The following SLC2A13 variants were observed in gnomAD, a reference collection of about 807,000 sequenced individuals.
The protein encoded by SLC2A13 is proton myo-inositol cotransporter.
A neutral mutation model predicts 64.4 loss-of-function variants in SLC2A13; 32 were observed. That is an observed-to-expected ratio of 0.50 (90% confidence interval 0.37 to 0.67). SLC2A13 has a LOEUF of 0.67. Among genes scored for constraint, SLC2A13 ranks in the 30% least tolerant of loss-of-function variants. The pLI is 0.00. For synonymous variants in SLC2A13, 338 were observed against 327.1 expected (o/e 1.03, Z -0.36); for missense variants, 743 against 829.2 (o/e 0.90, Z 1.28).
At chr12:39,933,921 G>A (rs1162010463) in intron 4 of SLC2A13, among the ~76,000 whole-genome samples, 1 of 152,122 alleles carries the variant, frequency 6.6e-6, no homozygotes, top group Non-Finnish European at 1.5e-5. Flanking sequence ...AGCACAAGTG[G>A]TCAGGAAACA....
At chr12:39,895,822 G>A (rs1252667798) in intron 4 of SLC2A13, among the ~76,000 whole-genome samples, 2 of 92,702 alleles carry the variant, frequency 2.2e-5, no homozygotes, top group African/African-American at 9.0e-5. Context: ...GTACACACAT[G>A]TATATGCGTG....
At chr12:40,010,221 A>G (rs1175497430) in intron 3 of SLC2A13, among the ~76,000 whole-genome samples, 1 of 152,228 alleles carries the variant, frequency 6.6e-6, no homozygotes, top group African/African-American at 2.4e-5. Context: ...TAAATAAGGA[A>G]CATTATTCAG....
intron 4 of SLC2A13, among the ~76,000 whole-genome samples, chr12:39,930,023 C>T (rs564655593): frequency 7.9e-5 from 12 of 151,586 alleles, no homozygotes; most frequent in South Asian, 4.2e-4. Flanking sequence ...CCCAGGTACT[C>T]AGGAGGCTGA....
intron 7 of SLC2A13, among the ~76,000 whole-genome samples, chr12:39,816,477 G>A (rs1942344646): frequency 6.6e-6 from 1 of 150,958 alleles, no homozygotes; most frequent in African/African-American, 2.4e-5. Context: ...TATACCTAAT[G>A]TAAATGACGA....
At chr12:39,793,205 T>C (rs1356049527) in intron 7 of SLC2A13, among the ~76,000 whole-genome samples, 1 of 152,064 alleles carries the variant, frequency 6.6e-6, no homozygotes, top group Non-Finnish European at 1.5e-5. Context: ...ACTACAATCA[T>C]TGGACATTGA....
At position 39,759,867 on chromosome 12, in the gene SLC2A13, A is replaced by G. The variant is rs1940070493; in HGVS notation, c.*159T>C. 3.4e-6 allele frequency: 2 copies of G among 581,570 alleles called. No individual in the cohort carries two copies. Among genetic ancestry groups the G allele is most frequent in the Non-Finnish European group, 3.0e-6 (1 of 332,190 alleles). The allele number at this position is 581,570 out of a possible 1,614,324, so 36.0% of individuals were successfully genotyped here. A position where few individuals can be genotyped will look rare whatever the true frequency, so the allele number is the denominator to read the frequency against. ...TTCCTTGTGGAAAAAAAAAGTCATC[A>G]TGGTTGTATCTTCCTCCTAATCAAG... On this transcript the variant is annotated 3_prime_UTR_variant, in exon 10 of 10. Coordinates refer to ENST00000280871, the MANE Select transcript of SLC2A13 (RefSeq NM_052885.4).
intron 1 of SLC2A13, among the ~76,000 whole-genome samples, chr12:40,067,312 C>T (rs957298799): frequency 5.3e-5 from 8 of 152,158 alleles, no homozygotes; most frequent in African/African-American, 1.9e-4. Flanking sequence ...AGTGATCCTC[C>T]CACCTCAGCC....
At chr12:40,058,298 T>A (rs543733452) in intron 1 of SLC2A13, among the ~76,000 whole-genome samples, 1 of 152,204 alleles carries the variant, frequency 6.6e-6, no homozygotes, top group South Asian at 2.1e-4. Flanking sequence ...AAATTAACCT[T>A]CACTTTCCCT....
intron 6 of SLC2A13, among the ~76,000 whole-genome samples, chr12:39,833,109 T>C (rs1942903344): frequency 6.6e-6 from 1 of 152,096 alleles, no homozygotes; most frequent in South Asian, 2.1e-4. Flanking sequence ...ACTACAACTG[T>C]TGAGAAAAAT....
intron 6 of SLC2A13, among the ~76,000 whole-genome samples, chr12:39,836,318 C>T (rs1240238519): frequency 6.6e-6 from 1 of 151,996 alleles, no homozygotes; most frequent in Non-Finnish European, 1.5e-5. Context: ...AAATTAGAGT[C>T]CAGGCAAGTA....
intron 5 of SLC2A13, among the ~76,000 whole-genome samples, chr12:39,869,112 AAGTAT>A (rs1943979131): frequency 6.6e-6 from 1 of 152,222 alleles, no homozygotes; most frequent in Admixed American, 6.5e-5. Flanking sequence ...TTAAAATGTC[AAGTAT>A]ATATCTACAT....
chr12:40,104,619 G>A (rs956093749), intron 1 of SLC2A13, among the ~76,000 whole-genome samples: 3 of 152,178 alleles, frequency 2.0e-5, no homozygotes, highest in African/African-American at 7.2e-5. Context: ...AAAAACAGAG[G>A]AGAATGGAAT....
chr12:40,061,884 A>AAAAATAAAG (rs1381113900), intron 1 of SLC2A13, among the ~76,000 whole-genome samples: 2 of 152,050 alleles, frequency 1.3e-5, no homozygotes, highest in Non-Finnish European at 2.9e-5. Context: ...ACTACTCTTG[A>AAAAATAAAG]AAAATAAAGG....
chr12:40,010,089 C>T (rs900594103), intron 3 of SLC2A13, among the ~76,000 whole-genome samples: 1 of 152,180 alleles, frequency 6.6e-6, no homozygotes. Flanking sequence ...AAAACATATG[C>T]ACTGAAAAGG....
intron 1 of SLC2A13, among the ~76,000 whole-genome samples, chr12:40,082,681 C>G (rs1458473675): frequency 6.6e-6 from 1 of 152,214 alleles, no homozygotes; most frequent in African/African-American, 2.4e-5. Context: ...GCACCCATGA[C>G]TATGCTCCAC....
At position 40,105,703 on chromosome 12, in the gene SLC2A13, C is replaced by G. The variant is rs955082550; in HGVS notation, c.106G>C (p.Ala36Pro). ...KQPEPDAASA[A>P]GECSLLAAAE... ...GCAGCCAGGAGGCTGCACTCCCCGG[C>G]CGCGCTCGCCGCGTCCGGCTCCGGC... Residue 36 changes from alanine to proline, a missense_variant, in exon 1 of 10, where the codon GCC (alanine) becomes CCC (proline). By Grantham distance (27) the Ala-to-Pro change is conservative (BLOSUM62 -1). Transcript: ENST00000280871. This position sits in a 1 kb window ranked among gnomAD's most constrained non-coding sequence, Gnocchi z 4.2. 1.4e-6 allele frequency: 2 copies of G among 1,480,446 alleles called. No homozygotes were observed. Among genetic ancestry groups the G allele is most frequent in the East Asian group, 3.0e-5 (1 of 33,146 alleles). 91.7% of individuals were successfully genotyped at this position (1,480,446 alleles called of 1,614,324 possible).
At chr12:40,041,248 C>T (rs976136978) in intron 2 of SLC2A13, among the ~76,000 whole-genome samples, 2 of 152,146 alleles carry the variant, frequency 1.3e-5, no homozygotes, top group African/African-American at 4.8e-5. Flanking sequence ...GTTCCATCCA[C>T]ACCCACCAAA....
chr12:39,942,545 T>C (rs12425722), intron 4 of SLC2A13, among the ~76,000 whole-genome samples: 7,490 of 152,282 alleles, frequency 0.049, 248 homozygotes, highest in South Asian at 0.13. Flanking sequence ...AGCTACTGAT[T>C]TGTGTATATT....
intron 7 of SLC2A13, among the ~76,000 whole-genome samples, chr12:39,780,842 AT>A (rs747374012): frequency 2.6e-5 from 4 of 152,248 alleles, no homozygotes; most frequent in Admixed American, 6.5e-5. Flanking sequence ...ACTAAAAGAA[AT>A]TTTTTAAAAA....
Sources: gnomAD v4.1 joint callset for allele counts (sites outside exome capture counted in the v4.1 genomes callset) on GRCh38, gnomAD v4.1.1 for gene constraint, Gnocchi (gnomAD v3.1) non-coding constraint, MANE v1.5 for transcripts, NCBI Gene and HGNC (gene_info 2026-07-23, HGNC 2026-07-21) for gene names.